Variants in COPZ1 observed in about 807,000 individuals in gnomAD.
COPZ1 encodes the protein coatomer subunit zeta-1.
COPZ1 carries 4 observed loss-of-function variants against 31.7 expected under a neutral mutation model. That is an observed-to-expected ratio of 0.13 (90% CI 0.06 to 0.29). The LOEUF is 0.29. COPZ1 is among the 10% of genes least tolerant of loss of function. The pLI, the probability that COPZ1 is intolerant of heterozygous loss-of-function variation, is 1.00. For synonymous variants in COPZ1, 74 were observed against 79.0 expected (o/e 0.94, Z 0.33); for missense variants, 156 against 211.5 (o/e 0.74, Z 1.63).
At chr12:54,348,416 G>A (rs1485290485) in intron 7 of COPZ1, among the ~76,000 whole-genome samples, 3 of 152,182 alleles carry the variant, frequency 2.0e-5, no homozygotes, top group Non-Finnish European at 2.9e-5. Context: ...AGTCATCTGA[G>A]GCAGAGGAGT....
At chr12:54,345,607 T>A in intron 5 of COPZ1, 92 bp downstream of exon 5, 1 of 1,029,932 alleles carries the variant, frequency 9.7e-7, no homozygotes, top group Non-Finnish European at 1.5e-6. Flanking sequence ...TAACCATTCT[T>A]CAGGCCCAGG....
chr12:54,350,178 C>T (rs975580469), intron 8 of COPZ1: 19 of 681,326 alleles, frequency 2.8e-5, no homozygotes, highest in Middle Eastern at 2.9e-4. Flanking sequence ...ATTTGTTACC[C>T]GCCCCCTGCC....
At chr12:54,332,553 A>G (rs1485032425) in intron 1 of COPZ1, among the ~76,000 whole-genome samples, 1 of 152,166 alleles carries the variant, frequency 6.6e-6, no homozygotes, top group East Asian at 1.9e-4. Context: ...CCTTACCAAC[A>G]TGGCAAAGCC....
At chr12:54,331,094 G>T (rs1430249726) in intron 1 of COPZ1, among the ~76,000 whole-genome samples, 2 of 151,380 alleles carry the variant, frequency 1.3e-5, no homozygotes, top group Non-Finnish European at 2.9e-5. Flanking sequence ...TCTTCAGGAA[G>T]TCCTTCCTGT....
chr12:54,339,990 TG>T (rs1953945274), intron 1 of COPZ1, among the ~76,000 whole-genome samples: 1 of 148,578 alleles, frequency 6.7e-6, no homozygotes, highest in African/African-American at 2.5e-5. Flanking sequence ...CGTGTGTGTG[TG>T]TGTGTGTGTG....
intron 1 of COPZ1, among the ~76,000 whole-genome samples, chr12:54,334,868 A>T (rs1953829090): frequency 1.3e-5 from 2 of 152,064 alleles, no homozygotes; most frequent in African/African-American, 2.4e-5. Flanking sequence ...AAAAAATAAA[A>T]AAATAAATAA....
At chr12:54,333,261 G>A (rs149837173) in intron 1 of COPZ1, among the ~76,000 whole-genome samples, 6 of 152,154 alleles carry the variant, frequency 3.9e-5, no homozygotes, top group African/African-American at 1.2e-4. Flanking sequence ...GCCCAGGCTG[G>A]CCTCAAACTC....
chr12:54,327,325 C>A, intron 1 of COPZ1, among the ~76,000 whole-genome samples: 1 of 144,210 alleles, frequency 6.9e-6, no homozygotes, highest in Non-Finnish European at 1.5e-5. Flanking sequence ...GAAACAGAGT[C>A]TCGCTGTGTC....
intron 1 of COPZ1, chr12:54,337,092 T>A (rs537693275): frequency 2.1e-6 from 1 of 478,880 alleles, no homozygotes; most frequent in Non-Finnish European, 4.1e-6. Context: ...AGTTGCTTGT[T>A]CTGTGGTGTT....
chr12:54,347,666 G>A (rs1277256919), intron 5 of COPZ1, 101 bp from the exon 6 acceptor site: 1 of 958,550 alleles, frequency 1.0e-6, no homozygotes, highest in African/African-American at 1.7e-5. Context: ...GGTTGGTGGA[G>A]ATGTTTATTG....
In COPZ1 at chr12:54,340,601, C is replaced by T; in HGVS notation, c.73C>T (p.Arg25Ter). 1 of 1,613,736 alleles carries T rather than the reference C, an allele frequency of 6.2e-7. No homozygotes were observed. Among genetic ancestry groups the T allele is most frequent in the Non-Finnish European group, 8.5e-7 (1 of 1,179,886 alleles). The change falls in exon 2 of 9, where the codon CGA becomes TGA. Residue 25 changes from arginine to a stop codon, truncating the protein, a stop_gained. Coordinates refer to ENST00000262061, the MANE Select transcript of COPZ1 (RefSeq NM_016057.3). LOFTEE classifies it high-confidence loss of function. ...AILILDNDGD[R>*]LFAKYYDDTY... ...CCTGATTCTGGACAATGATGGAGAT[C>T]GACTTTTTGCCAAGGTGAGATTCCC... is the stretch of plus-strand genomic sequence containing the variant.
At chr12:54,325,293 G>C (rs1411639250) in intron 1 of COPZ1, 112 bp downstream of exon 1, 3 of 1,365,108 alleles carry the variant, frequency 2.2e-6, no homozygotes, top group South Asian at 2.8e-5. Flanking sequence ...CTTGGGGACT[G>C]AGCGTTCTGC....
At chr12:54,348,481 G>A (rs1324563036) in intron 7 of COPZ1, among the ~76,000 whole-genome samples, 1 of 152,172 alleles carries the variant, frequency 6.6e-6, no homozygotes, top group Non-Finnish European at 1.5e-5. Context: ...GCTCACACCT[G>A]TAATCCCAGC....
At chr12:54,325,680 T>C (rs1210125279) in intron 1 of COPZ1, 1 of 156,762 alleles carries the variant, frequency 6.4e-6, no homozygotes, top group Non-Finnish European at 1.4e-5. Flanking sequence ...CCCTATTATA[T>C]AGGTTTGTCA....
chr12:54,347,624 A>T, intron 5 of COPZ1, 143 bp from the exon 6 acceptor site: 1 of 688,608 alleles, frequency 1.5e-6, no homozygotes, highest in South Asian at 1.9e-5. Flanking sequence ...GAACTAGCTA[A>T]AAAGTTCTTC....
chr12:54,332,461 G>A (rs1397701726), intron 1 of COPZ1, among the ~76,000 whole-genome samples: 1 of 151,814 alleles, frequency 6.6e-6, no homozygotes, highest in Non-Finnish European at 1.5e-5. Flanking sequence ...AGGTGGCTGG[G>A]CATGGTAGCT....
intron 1 of COPZ1, chr12:54,337,273 G>A (rs1400014272): frequency 3.7e-6 from 2 of 534,738 alleles, no homozygotes; most frequent in South Asian, 2.8e-5. Context: ...GTGGCTCTCT[G>A]AAAGTCAGTG....
Position 54,351,093 on chromosome 12 carries a change from A to C in COPZ1, c.*570A>C, listed in dbSNP as rs149636005. 86 of 160,408 alleles carry C rather than the reference A, an allele frequency of 5.4e-4. No homozygotes were observed. The highest frequency in any genetic ancestry group is 1.9e-3 in the African/African-American group (80 of 41,556). The allele number at this position is 160,408 out of a possible 1,614,324, so 9.9% of individuals were successfully genotyped here. ...CTCTGCCTTGGAAGAGGCTTTGGGAATAGTTCATAGGGAAGGGACAACATG... is the reference window on the plus strand; with the variant it reads ...CTCTGCCTTGGAAGAGGCTTTGGGACTAGTTCATAGGGAAGGGACAACATG... On this transcript the variant is annotated 3_prime_UTR_variant, in exon 9 of 9. Transcript: ENST00000262061.
chr12:54,332,254 G>A (rs990996970), intron 1 of COPZ1, among the ~76,000 whole-genome samples: 5 of 151,856 alleles, frequency 3.3e-5, no homozygotes, highest in African/African-American at 9.7e-5. Flanking sequence ...CCCGGGAGGC[G>A]GAGGTTGCAG....
Sources: gnomAD v4.1 joint callset for allele counts (sites outside exome capture counted in the v4.1 genomes callset) on GRCh38, gnomAD v4.1.1 for gene constraint, MANE v1.5 for transcripts, NCBI Gene and HGNC (gene_info 2026-07-23, HGNC 2026-07-21) for gene names.